FBXO42: variants seen among roughly 807,000 people sequenced by gnomAD.
FBXO42 encodes F-box only protein 42.
FBXO42 carries 12 observed loss-of-function variants against 71.7 expected under a neutral mutation model. That is an observed-to-expected ratio of 0.17 (90% CI 0.11 to 0.27). The LOEUF (loss-of-function observed/expected upper bound fraction) is 0.27, where lower values mean the gene tolerates loss of function less well. Ranked by LOEUF, FBXO42 falls within the 10% of genes least tolerant of loss-of-function variation. The pLI is 1.00. For missense variants in FBXO42, 707 were observed against 911.9 expected, an observed-to-expected ratio of 0.78 and a Z score of 2.89; for synonymous variants, 325 against 327.5, an observed-to-expected ratio of 0.99 and a Z score of 0.08.
At chr1:16,256,865 C>A in intron 4 of FBXO42, 106 bp from the exon 5 acceptor site, 1 of 1,175,830 alleles carries the variant, frequency 8.5e-7, no homozygotes. Context: ...AAAAGGGGAA[C>A]TAATACTACA....
In FBXO42 at chr1:16,253,751, G is replaced by A. The variant is rs764781543; in HGVS notation, c.768-20C>T. 1 of 1,611,432 alleles carries A rather than the reference G, an allele frequency of 6.2e-7. No homozygotes were observed. The highest frequency in any genetic ancestry group is 2.2e-5 in the East Asian group (1 of 44,872). The stretch of plus-strand genomic sequence containing the variant: ...TTGCTCCTGTGAATTAAGGACAGAA[G>A]GATAAAGGTAGTTAGGAGCTCCCAG... On this transcript the variant is annotated intron_variant, in intron 6 of 9. Transcript: ENST00000375592.
intron 1 of FBXO42, among the ~76,000 whole-genome samples, chr1:16,351,671 G>C (rs1569963810): frequency 6.6e-6 from 1 of 152,132 alleles, no homozygotes; most frequent in Admixed American, 6.6e-5. Context: ...TTCTCGCCAA[G>C]AGAAGCCTTC....
intron 4 of FBXO42, among the ~76,000 whole-genome samples, chr1:16,289,805 A>C (rs1422993669): frequency 2.0e-5 from 3 of 152,118 alleles, no homozygotes; most frequent in Non-Finnish European, 2.9e-5. Context: ...ATGGTGGTGC[A>C]CGTTTGTATT....
At chr1:16,282,189 T>C (rs2081971082) in intron 4 of FBXO42, among the ~76,000 whole-genome samples, 1 of 152,020 alleles carries the variant, frequency 6.6e-6, no homozygotes, top group Non-Finnish European at 1.5e-5. Context: ...TTTCAAAATT[T>C]AGCTATGTTT....
chr1:16,284,390 T>C (rs1263919990), intron 4 of FBXO42, among the ~76,000 whole-genome samples: 1 of 152,212 alleles, frequency 6.6e-6, no homozygotes, highest in Non-Finnish European at 1.5e-5. Context: ...CACAATGTTC[T>C]TATCTCAGGC....
intron 4 of FBXO42, among the ~76,000 whole-genome samples, chr1:16,287,439 G>A (rs1188880201): frequency 6.6e-6 from 1 of 152,124 alleles, no homozygotes; most frequent in Non-Finnish European, 1.5e-5. Flanking sequence ...TTTGAATGTA[G>A]TCTCATTAGG....
intron 3 of FBXO42, among the ~76,000 whole-genome samples, chr1:16,302,067 A>AT (rs577401246): frequency 3.9e-4 from 60 of 152,306 alleles, no homozygotes; most frequent in Non-Finnish European, 6.2e-4. Context: ...CACACAGATA[A>AT]TAATGGCAAA....
chr1:16,322,916 T>A (rs556987443), intron 1 of FBXO42, among the ~76,000 whole-genome samples: 2 of 152,194 alleles, frequency 1.3e-5, no homozygotes, highest in Non-Finnish European at 2.9e-5. Context: ...AACATGGGAA[T>A]GAAACTGCTA....
At position 16,249,920 on chromosome 1, in the gene FBXO42, T is replaced by C. The variant is rs1348158725; in HGVS notation, c.*750A>G. ...TTTTTTGGCAACTTGCCACCAAATA[T>C]GATTGATTGTCAGAAATTTCCACAA... On this transcript the variant is annotated 3_prime_UTR_variant, in exon 10 of 10. Transcript: ENST00000375592. The C allele has an allele frequency of 6.6e-6, 1 of 151,950 alleles. No individual in the cohort carries two copies. Among genetic ancestry groups the C allele is most frequent in the Non-Finnish European group, 1.5e-5 (1 of 67,886 alleles). The allele number at this position is 151,950 out of a possible 1,614,324, so 9.4% of individuals were successfully genotyped here. A position where few individuals can be genotyped will look rare whatever the true frequency, so the allele number is the denominator to read the frequency against.
intron 1 of FBXO42, among the ~76,000 whole-genome samples, chr1:16,341,605 C>CT (rs1232956693): frequency 3.2e-5 from 2 of 62,210 alleles, no homozygotes; most frequent in African/African-American, 1.0e-4. Context: ...GAGACTGCGT[C>CT]TTTTAAAAAA....
At chr1:16,318,166 C>T (rs977938983) in intron 1 of FBXO42, among the ~76,000 whole-genome samples, 2 of 152,134 alleles carry the variant, frequency 1.3e-5, no homozygotes, top group African/African-American at 4.8e-5. Flanking sequence ...ATGCTGTAAT[C>T]CCAGAACTTT....
At chr1:16,313,656 G>GGA (rs2082337597) in intron 2 of FBXO42, among the ~76,000 whole-genome samples, 1 of 152,112 alleles carries the variant, frequency 6.6e-6, no homozygotes, top group African/African-American at 2.4e-5. Context: ...GTGGACTTTG[G>GGA]GAGTTGACAA....
rs79378325 is a variant in FBXO42 at position 16,349,225 on chromosome 1, G to A, written c.-18+3030C>T. On this transcript the variant is annotated intron_variant, in intron 1 of 9. Transcript: ENST00000375592. ...TCTGCAGAATAATAGGAAAGGTTGG[G>A]GAAAAGCCATCCCTGCTCCAAGAAG... 7.5e-3 allele frequency among the ~76,000 whole-genome samples: 1,136 copies of A among 152,182 alleles called. 11 individuals are homozygous for A. Among genetic ancestry groups the A allele is most frequent in the African/African-American group, 0.026 (1,081 of 41,522 alleles).
chr1:16,340,586 T>C (rs2082594853), intron 1 of FBXO42, among the ~76,000 whole-genome samples: 1 of 152,132 alleles, frequency 6.6e-6, no homozygotes. Flanking sequence ...CCCAAAGTGC[T>C]GGGATTACAG....
chr1:16,285,733 G>A (rs1235533080), intron 4 of FBXO42, among the ~76,000 whole-genome samples: 3 of 152,100 alleles, frequency 2.0e-5, no homozygotes, highest in African/African-American at 4.8e-5. Context: ...TCCTGGAAAC[G>A]CTTTCCTCAT....
chr1:16,298,663 C>T (rs2082157129), intron 3 of FBXO42, among the ~76,000 whole-genome samples: 1 of 152,068 alleles, frequency 6.6e-6, no homozygotes, highest in East Asian at 1.9e-4. Flanking sequence ...GCGCCCACCA[C>T]CACGCCCAGC....
At chr1:16,332,310 C>T (rs1183559270) in intron 1 of FBXO42, among the ~76,000 whole-genome samples, 1 of 151,938 alleles carries the variant, frequency 6.6e-6, no homozygotes, top group Non-Finnish European at 1.5e-5. Flanking sequence ...ATTGTTCCAA[C>T]AATGGGAGGC....
rs1301562560 is a variant in FBXO42 at position 16,264,521 on chromosome 1, T to C, written c.503-7762A>G. Among the ~76,000 whole-genome samples, 4 of 152,210 alleles carry C rather than the reference T, an allele frequency of 2.6e-5. No homozygotes were observed. In the East Asian group the frequency reaches 5.8e-4, roughly 22 times the overall value. Reference sequence around the variant, plus strand: ...CACAAAAGTGAAGAAAGGAAGGGTGTCATTCCCATTGAGTTCCCATCAAGC... The same window carrying C: ...CACAAAAGTGAAGAAAGGAAGGGTGCCATTCCCATTGAGTTCCCATCAAGC... On this transcript the variant is annotated intron_variant, in intron 4 of 9. Transcript: ENST00000375592.
At chr1:16,288,162 G>A (rs932881416) in intron 4 of FBXO42, among the ~76,000 whole-genome samples, 1 of 151,256 alleles carries the variant, frequency 6.6e-6, no homozygotes, top group Admixed American at 6.6e-5. Flanking sequence ...ATAATAGGCC[G>A]GGTGCAGTGG....
Sources: allele counts gnomAD v4.1 joint callset (sites outside exome capture counted in the v4.1 genomes callset), GRCh38; gene constraint gnomAD v4.1.1; transcripts MANE v1.5; gene names NCBI Gene and HGNC (gene_info 2026-07-23, HGNC 2026-07-21).